DONSON: variants seen among roughly 807,000 people sequenced by gnomAD.
The protein encoded by DONSON is DNA replication fork stabilization factor DONSON.
In DONSON, 43 loss-of-function variants were observed where a neutral mutation model predicts 62.1. That is an observed-to-expected ratio of 0.69 (90% confidence interval 0.54 to 0.89). DONSON has a LOEUF of 0.89. Among genes scored for constraint, DONSON ranks in the 40% least tolerant of loss-of-function variants. DONSON has a pLI of 0.00. For synonymous variants in DONSON, 266 were observed against 264.6 expected, an observed-to-expected ratio of 1.01 and a Z score of -0.05; for missense variants, 696 against 697.5, an observed-to-expected ratio of 1.00 and a Z score of 0.03.
At chr21:33,586,599 G>C (rs1171937935) in intron 2 of DONSON, among the ~76,000 whole-genome samples, 1 of 152,012 alleles carries the variant, frequency 6.6e-6, no homozygotes, top group Non-Finnish European at 1.5e-5. Context: ...CCCTCAACCT[G>C]TCTGCTTCAG....
At chr21:33,587,739 A>T in intron 1 of DONSON, 137 bp from the exon 2 acceptor site, 1 of 578,114 alleles carries the variant, frequency 1.7e-6, no homozygotes. Flanking sequence ...CATCCAATCT[A>T]TGAGTTTCAA....
Position 33,584,651 on chromosome 21 carries a change from C to T in DONSON, c.724G>A (p.Ala242Thr), listed in dbSNP as rs2086557654. Residue 242 changes from alanine (A) to threonine (T), a missense_variant, in exon 4 of 10, where the codon GCT becomes ACT. Physicochemically the swap from Ala to Thr is moderately conservative, Grantham distance 58. Transcript: ENST00000303071. ...TTTGACCAAGGACTTGTCTTTCCAG[C>T]CATTTTTCTATCAGCTCCAATACGA... ...FPRIGADRKM[A>T]GKTSPWSNDA... 5 of 1,613,118 alleles carry T rather than the reference C, an allele frequency of 3.1e-6. No homozygotes were observed. The highest frequency in any genetic ancestry group is 1.1e-5 in the South Asian group (1 of 90,934).
In DONSON at chr21:33,581,501, C is replaced by T; in HGVS notation, c.1152-1G>A. On this transcript the variant is annotated splice_acceptor_variant, in intron 7 of 9. Coordinates refer to ENST00000303071, the MANE Select transcript of DONSON (RefSeq NM_017613.4). LOFTEE classifies it high-confidence loss of function. The stretch of plus-strand genomic sequence containing the variant: ...TTGTACTTCATGTTTCTCTTTACGC[C>T]TGAAGATGACAATCAAGGAAATTGC... 1.2e-6 allele frequency: 2 copies of T among 1,609,782 alleles called. No individual in the cohort carries two copies. The highest frequency in any genetic ancestry group is 1.7e-6 in the Non-Finnish European group (2 of 1,177,222).
In DONSON at chr21:33,577,674, CACACACACACACACACACACACACACA is replaced by C. The variant is rs1569073123; in HGVS notation, c.*606_*632del. 44 of 103,262 alleles carry C rather than the reference CACACACACACACACACACACACACACA, an allele frequency of 4.3e-4. No individual in the cohort carries two copies. The highest frequency in any genetic ancestry group is 1.0e-3 in the African/African-American group (23 of 22,542). The allele number at this position is 103,262 out of a possible 1,614,324, so 6.4% of individuals were successfully genotyped here. On this transcript the variant is annotated 3_prime_UTR_variant, in exon 10 of 10. Coordinates refer to ENST00000303071, the MANE Select transcript of DONSON (RefSeq NM_017613.4). ...ACACACACACACACACACACACACA[CACACACACACACACACACACACACACA>C]CCCCTATAAGCACATTAAATACTAC...
intron 2 of DONSON, 176 bp downstream of exon 2, chr21:33,587,346 A>AC: frequency 1.0e-6 from 1 of 985,354 alleles, no homozygotes. Flanking sequence ...CAACTCCTTT[A>AC]CCTTGGCTGA....
intron 8 of DONSON, among the ~76,000 whole-genome samples, chr21:33,580,047 A>T (rs577957800): frequency 6.6e-6 from 1 of 151,864 alleles, no homozygotes; most frequent in South Asian, 2.1e-4. Context: ...ATACAAAAAA[A>T]TTAGCCAGGC....
intron 3 of DONSON, among the ~76,000 whole-genome samples, chr21:33,585,507 C>T (rs940323841): frequency 6.6e-6 from 1 of 151,396 alleles, no homozygotes; most frequent in Admixed American, 6.6e-5. Flanking sequence ...GCTATTGTGC[C>T]CAGCCTCCTA....
chr21:33,584,802 C>A, intron 3 of DONSON, 34 bp from the exon 4 acceptor site: 1 of 1,443,120 alleles, frequency 6.9e-7, no homozygotes, highest in Non-Finnish European at 9.2e-7. Context: ...GCAGTTTTTG[C>A]CCATTGAGAA....
intron 3 of DONSON, among the ~76,000 whole-genome samples, chr21:33,585,575 C>T (rs1372950087): frequency 6.6e-6 from 1 of 151,958 alleles, no homozygotes; most frequent in Non-Finnish European, 1.5e-5. Flanking sequence ...CATTCTAGAA[C>T]TCACAAACTC....
At chr21:33,585,267 C>A (rs1336029128) in intron 3 of DONSON, among the ~76,000 whole-genome samples, 2 of 152,074 alleles carry the variant, frequency 1.3e-5, no homozygotes, top group African/African-American at 4.8e-5. Flanking sequence ...GTCACTGAGG[C>A]TAGAGTACAG....
In DONSON at chr21:33,577,668, CACACACACACACACACACA is replaced by C. The variant is rs2086443541; in HGVS notation, c.*620_*638del. On this transcript the variant is annotated 3_prime_UTR_variant, in exon 10 of 10. Coordinates refer to ENST00000303071, the MANE Select transcript of DONSON (RefSeq NM_017613.4). ...ACACACACACACACACACACACACA[CACACACACACACACACACA>C]CACACACACACACACCCCTATAAGC... 9.8e-6 allele frequency: 1 copy of C among 102,138 alleles called. No homozygotes were observed. Among genetic ancestry groups the C allele is most frequent in the African/African-American group, 4.4e-5 (1 of 22,966 alleles). The allele number at this position is 102,138 out of a possible 1,614,324, so 6.3% of individuals were successfully genotyped here. A position where few individuals can be genotyped will look rare whatever the true frequency, so the allele number is the denominator to read the frequency against.
In DONSON at chr21:33,583,616, G is replaced by A. The variant is rs147115711; in HGVS notation, c.836C>T (p.Pro279Leu). ...CTGATAGGTACAAACGTAGAAATAG[G>A]GGCAAAGTTTTGTCTTCAGCAAATT... Reference protein sequence around the residue: ...LYNLLKTKLCPYFYVCTYQFT... With the variant: ...LYNLLKTKLCLYFYVCTYQFT... The change falls in exon 5 of 10, where the codon CCC becomes CTC. Residue 279 changes from proline (P) to leucine (L), a missense_variant. Physicochemically the swap from Pro to Leu is moderately conservative, Grantham distance 98. Coordinates refer to ENST00000303071, the MANE Select transcript of DONSON (RefSeq NM_017613.4). 1.0e-3 allele frequency: 1,686 copies of A among 1,611,980 alleles called. 1 individual carries two copies. The highest frequency in any genetic ancestry group is 1.3e-3 in the Non-Finnish European group (1,518 of 1,178,672).
At chr21:33,578,619 A>G (rs920058979) in intron 9 of DONSON, among the ~76,000 whole-genome samples, 175 bp from the exon 10 acceptor site, 3 of 152,262 alleles carry the variant, frequency 2.0e-5, no homozygotes, top group African/African-American at 7.2e-5. Context: ...ATTAATGGTT[A>G]TAAGTCTAGC....
chr21:33,581,783 A>C (rs2086513622), intron 7 of DONSON, among the ~76,000 whole-genome samples, 168 bp downstream of exon 7: 1 of 152,228 alleles, frequency 6.6e-6, no homozygotes, highest in African/African-American at 2.4e-5. Context: ...TTAATAGTTC[A>C]CCATTTGTTG....
Position 33,578,458 on chromosome 21 carries a change from T to G in DONSON, c.1564-14A>C, listed in dbSNP as rs1290799605. 4 of 1,606,446 alleles carry G rather than the reference T, an allele frequency of 2.5e-6. No individual in the cohort carries two copies. In the South Asian group the frequency reaches 4.5e-5, roughly 18 times the overall value. ...ATGAACAACCTCCTGTGGAAATGTG[T>G]GTACAAGTCAGTAAAAAGCACATTA... On this transcript the variant is annotated splice_polypyrimidine_tract_variant and intron_variant, in intron 9 of 9. Transcript: ENST00000303071.
chr21:33,581,397 T>TA lies in DONSON; in HGVS notation c.1254dup (p.Lys419Ter), dbSNP rs765112107. The TA allele has an allele frequency of 9.3e-6, 15 of 1,613,968 alleles. No homozygotes were observed. The highest frequency in any genetic ancestry group is 2.2e-5 in the East Asian group (1 of 44,886). ...GGACCTGAGGTAGCAACTAAACTCTTAGAGTTAATCAAAAAATTGAGCAAT... is the reference window on the plus strand; with the variant it reads ...GGACCTGAGGTAGCAACTAAACTCTTAAGAGTTAATCAAAAAATTGAGCAAT... On this transcript the variant is annotated frameshift_variant, in exon 8 of 10. Transcript: ENST00000303071. LOFTEE classifies it high-confidence loss of function.
chr21:33,580,159 G>A (rs1180323648), intron 8 of DONSON, among the ~76,000 whole-genome samples: 1 of 151,860 alleles, frequency 6.6e-6, no homozygotes, highest in Admixed American at 6.6e-5. Context: ...AGCCCGTTAG[G>A]CAGAGTTTGC....
Position 33,578,112 on chromosome 21 carries a change from G to A in DONSON, c.*195C>T. 4 of 548,242 alleles carry A rather than the reference G, an allele frequency of 7.3e-6. No homozygotes were observed. In the South Asian group the frequency reaches 8.5e-5, roughly 12 times the overall value. The allele number at this position is 548,242 out of a possible 1,614,324, so 34.0% of individuals were successfully genotyped here. A position where few individuals can be genotyped will look rare whatever the true frequency, so the allele number is the denominator to read the frequency against. On this transcript the variant is annotated 3_prime_UTR_variant, in exon 10 of 10. Coordinates refer to ENST00000303071, the MANE Select transcript of DONSON (RefSeq NM_017613.4). ...GTAGGGATATAGATATCTCATTTGA[G>A]TTATCTGAGTTTTTCATCTTTATAT...
intron 1 of DONSON, 21 bp downstream of exon 1, chr21:33,588,300 G>A: frequency 8.0e-7 from 1 of 1,254,934 alleles, no homozygotes; most frequent in Non-Finnish European, 1.0e-6. Context: ...CCCCTTGGCG[G>A]CCAGGCTACA....
Sources: gnomAD v4.1 joint callset for allele counts (sites outside exome capture counted in the v4.1 genomes callset) on GRCh38, gnomAD v4.1.1 for gene constraint, MANE v1.5 for transcripts, NCBI Gene and HGNC (gene_info 2026-07-23, HGNC 2026-07-21) for gene names.